Variants in HOXA13 observed in about 807,000 individuals in gnomAD.
HOXA13 encodes homeobox protein Hox-A13.
HOXA13 carries 5 observed loss-of-function variants against 25.7 expected under a neutral mutation model. The ratio of observed to expected loss-of-function variants is 0.19; its 90% CI spans 0.10 to 0.41. The LOEUF is 0.41. HOXA13 is among the 10% of genes least tolerant of loss of function. HOXA13 has a pLI of 1.00. For synonymous variants in HOXA13, 284 were observed against 241.1 expected (o/e 1.18, Z -1.65); for missense variants, 557 against 533.5 (o/e 1.04, Z -0.43).
In HOXA13 at chr7:27,195,875, A is replaced by G. The variant is rs1023190109; in HGVS notation, c.*2323T>C. 3 of 152,232 alleles carry G rather than the reference A, an allele frequency of 2.0e-5. No individual in the cohort carries two copies. Among genetic ancestry groups the G allele is most frequent in the Admixed American group, 6.5e-5 (1 of 15,288 alleles). The allele number at this position is 152,232 out of a possible 1,614,324, so 9.4% of individuals were successfully genotyped here. A position where few individuals can be genotyped will look rare whatever the true frequency, so the allele number is the denominator to read the frequency against. ...GCTGTAAAGACTCCTCAATAGCTCT[A>G]ATTACAGTGTGAGACCACCCTGGAG... On this transcript the variant is annotated 3_prime_UTR_variant, in exon 2 of 2. Transcript: ENST00000649031.
rs1784004033 is a variant in HOXA13 at position 27,196,383 on chromosome 7, C to G, written c.*1815G>C. 2 of 152,138 alleles carry G rather than the reference C, an allele frequency of 1.3e-5. No individual in the cohort carries two copies. The highest frequency in any genetic ancestry group is 6.6e-5 in the Admixed American group (1 of 15,266). 9.4% of individuals were successfully genotyped at this position (152,138 alleles called of 1,614,324 possible). On this transcript the variant is annotated 3_prime_UTR_variant, in exon 2 of 2. Transcript: ENST00000649031. ...GAGGCTTGTCAACGCGAGGTGGCGC[C>G]CTTGATCTACTAATCCAGCTAAGGC...
Position 27,197,960 on chromosome 7 carries a change from G to A in HOXA13, c.*238C>T. The A allele has an allele frequency of 3.5e-6, 2 of 566,266 alleles. No homozygotes were observed. The highest frequency in any genetic ancestry group is 6.3e-6 in the Non-Finnish European group (2 of 319,282). The allele number at this position is 566,266 out of a possible 1,614,324, so 35.1% of individuals were successfully genotyped here. On this transcript the variant is annotated 3_prime_UTR_variant, in exon 2 of 2. Coordinates refer to ENST00000649031, the MANE Select transcript of HOXA13 (RefSeq NM_000522.5). The stretch of plus-strand genomic sequence containing the variant: ...GGGGGTTGACGTTTGACATTTAACG[G>A]GCTGGGCTGATGGGGTTGGCGGAAG...
rs1784048344 is a variant in HOXA13, at chr7:27,199,098, C to T, written c.922+58G>A. On this transcript the variant is annotated intron_variant, in intron 1 of 1. Transcript: ENST00000649031. The stretch of plus-strand genomic sequence containing the variant: ...GCACCCGGGATCGCCCGGGTGCGAG[C>T]GGAGAAGAAGCTGGAGCAGAGCCGG... 3.5e-5 allele frequency: 53 copies of T among 1,532,660 alleles called. No individual in the cohort carries two copies. The South Asian group carries it at 5.6e-4, about 16-fold the overall frequency. 94.9% of individuals were successfully genotyped at this position (1,532,660 alleles called of 1,614,324 possible).
At position 27,199,940 on chromosome 7, in the gene HOXA13, T is replaced by C. The variant is rs1432873290; in HGVS notation, c.138A>G (p.Ala46=). 22 of 1,268,436 alleles carry C rather than the reference T, an allele frequency of 1.7e-5. No individual in the cohort carries two copies. The highest frequency in any genetic ancestry group is 5.5e-5 in the South Asian group (3 of 54,190). 78.6% of individuals were successfully genotyped at this position (1,268,436 alleles called of 1,614,324 possible). ...CCCCGGCCCCGGCAGCCGCCGCCGC[T>C]GCAGCCGCTGCTGCAGCCGCCGCCG... ...EGAAAAAAAA[A]AAAAAGAGGG... is the part of the protein sequence containing the mutation. The change falls in exon 1 of 2, where the codon GCA becomes GCG. Residue 46 remains alanine, a synonymous_variant. Coordinates refer to ENST00000649031, the MANE Select transcript of HOXA13 (RefSeq NM_000522.5).
rs532430729 is a variant in HOXA13 at position 27,199,477 on chromosome 7, C to T, written c.601G>A (p.Ala201Thr). The T allele has an allele frequency of 6.2e-7, 1 of 1,611,394 alleles. No homozygotes were observed. Among genetic ancestry groups the T allele is most frequent in the East Asian group, 2.2e-5 (1 of 44,812 alleles). ...TTGTCCGCGAAGGCGGCGGCGGCGG[C>T]GGCCGAGGCGGGCTGCGCGCACGAC... ...IKSCAQPASA[A>T]AAAAFADKYM... Residue 201 changes from alanine (A) to threonine (T), a missense_variant, in exon 1 of 2, where the codon GCC becomes ACC. Physicochemically the swap from Ala to Thr is moderately conservative, Grantham distance 58. Coordinates refer to ENST00000649031, the MANE Select transcript of HOXA13 (RefSeq NM_000522.5).
In HOXA13 at chr7:27,197,945, G is replaced by C. The variant is rs752050407; in HGVS notation, c.*253C>G. 1 of 537,504 alleles carries C rather than the reference G, an allele frequency of 1.9e-6. No homozygotes were observed. Among genetic ancestry groups the C allele is most frequent in the Non-Finnish European group, 3.3e-6 (1 of 301,638 alleles). 33.3% of individuals were successfully genotyped at this position (537,504 alleles called of 1,614,324 possible). On this transcript the variant is annotated 3_prime_UTR_variant, in exon 2 of 2. Transcript: ENST00000649031. The stretch of plus-strand genomic sequence containing the variant: ...GAAATTGCGTATTTTGGGGGTTGAC[G>C]TTTGACATTTAACGGGCTGGGCTGA...
In HOXA13 at chr7:27,195,131, G is replaced by A. The variant is rs920098177; in HGVS notation, c.*3067C>T. The A allele has an allele frequency of 2.6e-5, 4 of 152,180 alleles. No homozygotes were observed. Among genetic ancestry groups the A allele is most frequent in the African/African-American group, 9.7e-5 (4 of 41,440 alleles). The allele number at this position is 152,180 out of a possible 1,614,324, so 9.4% of individuals were successfully genotyped here. A position where few individuals can be genotyped will look rare whatever the true frequency, so the allele number is the denominator to read the frequency against. On this transcript the variant is annotated 3_prime_UTR_variant, in exon 2 of 2. Transcript: ENST00000649031. The stretch of plus-strand genomic sequence containing the variant: ...AAGTGGAGTGAAAATCCTCAGGGCA[G>A]CAAAATATAATTGAATTTCTCGAGA...
Position 27,199,700 on chromosome 7 carries a change from TGCAGCGGCAGCCGCGGCA to T in HOXA13, c.360_377del (p.Ala128_Ala133del), listed in dbSNP as rs35861510. Reference sequence around the variant, plus strand: ...ACGACGCGGCGGCGGCGGCGGCGGCTGCAGCGGCAGCCGCGGCAGCAGCGGCGGCAGCCGACGGGGGCG... The same window carrying T: ...ACGACGCGGCGGCGGCGGCGGCGGCTGCAGCGGCGGCAGCCGACGGGGGCG... On this transcript the variant is annotated inframe_deletion, in exon 1 of 2. Transcript: ENST00000649031. The T allele has an allele frequency of 8.4e-4, 898 of 1,071,392 alleles. No individual in the cohort carries two copies. The highest frequency in any genetic ancestry group is 4.3e-3 in the East Asian group (69 of 15,864). 66.4% of individuals were successfully genotyped at this position (1,071,392 alleles called of 1,614,324 possible).
In HOXA13 at chr7:27,195,166, A is replaced by G. The variant is rs1583446319; in HGVS notation, c.*3032T>C. On this transcript the variant is annotated 3_prime_UTR_variant, in exon 2 of 2. Coordinates refer to ENST00000649031, the MANE Select transcript of HOXA13 (RefSeq NM_000522.5). ...ATTGAATTTCTCGAGACCTTTCGAT[A>G]TGTATGTTTCAACACCAGCCTGTTT... is the stretch of plus-strand genomic sequence containing the variant. 1 of 152,230 alleles carries G rather than the reference A, an allele frequency of 6.6e-6. No homozygotes were observed. The highest frequency in any genetic ancestry group is 2.4e-5 in the African/African-American group (1 of 41,444). The allele number at this position is 152,230 out of a possible 1,614,324, so 9.4% of individuals were successfully genotyped here. A position where few individuals can be genotyped will look rare whatever the true frequency, so the allele number is the denominator to read the frequency against.
In HOXA13 at chr7:27,196,950, C is replaced by A. The variant is rs1184639078; in HGVS notation, c.*1248G>T. 1 of 176,524 alleles carries A rather than the reference C, an allele frequency of 5.7e-6. No homozygotes were observed. The highest frequency in any genetic ancestry group is 1.2e-5 in the Non-Finnish European group (1 of 83,888). The allele number at this position is 176,524 out of a possible 1,614,324, so 10.9% of individuals were successfully genotyped here. A position where few individuals can be genotyped will look rare whatever the true frequency, so the allele number is the denominator to read the frequency against. ...TACAGGTCTAAGGGTTTTTTTTTTT[C>A]ATTTTTAGTAGAAATATTTAAAAAG... On this transcript the variant is annotated 3_prime_UTR_variant, in exon 2 of 2. Coordinates refer to ENST00000649031, the MANE Select transcript of HOXA13 (RefSeq NM_000522.5).
Position 27,198,337 on chromosome 7 carries a change from G to T in HOXA13, c.1028C>A (p.Thr343Lys), listed in dbSNP as rs768400475. ...TTTGTCCTTAGTAATGAATTTATTCGTGGCGTATTCCCGTTCAAGTTCTTT... is the reference window on the plus strand; with the variant it reads ...TTTGTCCTTAGTAATGAATTTATTCTTGGCGTATTCCCGTTCAAGTTCTTT... ...QLKELEREYA[T>K]NKFITKDKRR... Residue 343 changes from threonine (T) to lysine (K), a missense_variant, in exon 2 of 2, where the codon ACG (threonine) becomes AAG (lysine). Coordinates refer to ENST00000649031, the MANE Select transcript of HOXA13 (RefSeq NM_000522.5). The T allele has an allele frequency of 6.2e-7, 1 of 1,614,132 alleles. No homozygotes were observed. Among genetic ancestry groups the T allele is most frequent in the Non-Finnish European group, 8.5e-7 (1 of 1,180,028 alleles).
At chr7:27,199,128 C>A (rs1458156930) in intron 1 of HOXA13, 28 bp downstream of exon 1, 1 of 1,597,394 alleles carries the variant, frequency 6.3e-7, no homozygotes, top group Non-Finnish European at 8.5e-7. Context: ...AGCCGGAAGA[C>A]CAGGGCTGGG....
In HOXA13 at chr7:27,200,078, A is replaced by T. The variant is rs1350598014; in HGVS notation, c.-1T>A. The T allele has an allele frequency of 1.4e-5, 21 of 1,457,908 alleles. No individual in the cohort carries two copies. The highest frequency in any genetic ancestry group is 1.8e-5 in the Non-Finnish European group (20 of 1,087,692). The allele number at this position is 1,457,908 out of a possible 1,614,324, so 90.3% of individuals were successfully genotyped here. Reference sequence around the variant, plus strand: ...GGTGGAGGAGCACGGAGGCTGTCATAGCCCGAGCCGCATGGAGAAGACCCC... The same window carrying T: ...GGTGGAGGAGCACGGAGGCTGTCATTGCCCGAGCCGCATGGAGAAGACCCC... On this transcript the variant is annotated 5_prime_UTR_variant, in exon 1 of 2. Coordinates refer to ENST00000649031, the MANE Select transcript of HOXA13 (RefSeq NM_000522.5).
In HOXA13 at chr7:27,199,607, C is replaced by G. The variant is rs1427195105; in HGVS notation, c.471G>C (p.Ser157=). 2 of 1,477,726 alleles carry G rather than the reference C, an allele frequency of 1.4e-6. No individual in the cohort carries two copies. Among genetic ancestry groups the G allele is most frequent in the Non-Finnish European group, 1.8e-6 (2 of 1,121,272 alleles). The allele number at this position is 1,477,726 out of a possible 1,614,324, so 91.5% of individuals were successfully genotyped here. Reference sequence around the variant, plus strand: ...GCCCCGACGAGCTCTGCGCCGCTGCCGAGCAGGGGCTGCATTGCTTGGCGG... The same window carrying G: ...GCCCCGACGAGCTCTGCGCCGCTGCGGAGCAGGGGCTGCATTGCTTGGCGG... ...AEAAKQCSPC[S]AAAQSSSGPA... Residue 157 remains serine, a synonymous_variant, in exon 1 of 2, where the codon TCG becomes TCC. Transcript: ENST00000649031.
In HOXA13 at chr7:27,199,682, GGCGGCGGCGGCGGCGGCTGCA is replaced by G; in HGVS notation, c.375_395del (p.Ala127_Ala133del). Reference sequence around the variant, plus strand: ...GGCCGGGACCTCCCGAGGACGACGCGGCGGCGGCGGCGGCGGCTGCAGCGGCAGCCGCGGCAGCAGCGGCGG... The same window carrying G: ...GGCCGGGACCTCCCGAGGACGACGCGGCGGCAGCCGCGGCAGCAGCGGCGG... On this transcript the variant is annotated inframe_deletion, in exon 1 of 2. Transcript: ENST00000649031. 1 of 1,105,768 alleles carries G rather than the reference GGCGGCGGCGGCGGCGGCTGCA, an allele frequency of 9.0e-7. No homozygotes were observed. The highest frequency in any genetic ancestry group is 4.8e-5 in the East Asian group (1 of 20,810). The allele number at this position is 1,105,768 out of a possible 1,614,324, so 68.5% of individuals were successfully genotyped here.
rs1784013900 is a variant in HOXA13, at chr7:27,197,165, C to T, written c.*1033G>A. 2 of 206,228 alleles carry T rather than the reference C, an allele frequency of 9.7e-6. No homozygotes were observed. The highest frequency in any genetic ancestry group is 1.9e-4 in the South Asian group (1 of 5,318). 12.8% of individuals were successfully genotyped at this position (206,228 alleles called of 1,614,324 possible). A position where few individuals can be genotyped will look rare whatever the true frequency, so the allele number is the denominator to read the frequency against. On this transcript the variant is annotated 3_prime_UTR_variant, in exon 2 of 2. Transcript: ENST00000649031. ...AATAAACATGGAAAAATACTAATCC[C>T]TTAATAGATCAAAATATAGAATATA...
At position 27,199,607 on chromosome 7, in the gene HOXA13, C is replaced by T. The variant is rs1427195105; in HGVS notation, c.471G>A (p.Ser157=). 15 of 1,477,726 alleles carry T rather than the reference C, an allele frequency of 1.0e-5. No individual in the cohort carries two copies. Among genetic ancestry groups the T allele is most frequent in the Non-Finnish European group, 1.3e-5 (15 of 1,121,272 alleles). The allele number at this position is 1,477,726 out of a possible 1,614,324, so 91.5% of individuals were successfully genotyped here. A position where few individuals can be genotyped will look rare whatever the true frequency, so the allele number is the denominator to read the frequency against. Residue 157 remains serine, a synonymous_variant, in exon 1 of 2, where the codon TCG becomes TCA. Coordinates refer to ENST00000649031, the MANE Select transcript of HOXA13 (RefSeq NM_000522.5). ...GCCCCGACGAGCTCTGCGCCGCTGC[C>T]GAGCAGGGGCTGCATTGCTTGGCGG... ...AEAAKQCSPC[S]AAAQSSSGPA...
In HOXA13 at chr7:27,195,450, G is replaced by T. The variant is rs1783994067; in HGVS notation, c.*2748C>A. 2 of 152,106 alleles carry T rather than the reference G, an allele frequency of 1.3e-5. No homozygotes were observed. Among genetic ancestry groups the T allele is most frequent in the Non-Finnish European group, 2.9e-5 (2 of 68,030 alleles). The allele number at this position is 152,106 out of a possible 1,614,324, so 9.4% of individuals were successfully genotyped here. A position where few individuals can be genotyped will look rare whatever the true frequency, so the allele number is the denominator to read the frequency against. ...ATACATATGCGCATAGCATAGATTTGACAAAAACACATTATCCTATGTGTA... is the reference window on the plus strand; with the variant it reads ...ATACATATGCGCATAGCATAGATTTTACAAAAACACATTATCCTATGTGTA... On this transcript the variant is annotated 3_prime_UTR_variant, in exon 2 of 2. Transcript: ENST00000649031.
In HOXA13 at chr7:27,199,328, C is replaced by G; in HGVS notation, c.750G>C (p.Leu250=). Residue 250 remains leucine, a synonymous_variant, in exon 1 of 2, where the codon CTG becomes CTC. Coordinates refer to ENST00000649031, the MANE Select transcript of HOXA13 (RefSeq NM_000522.5). ...CGAGGCCCGGCACCACTGGCATATCCAGGTAGCCAGGCATGGGCTGATGGT... is the reference window on the plus strand; with the variant it reads ...CGAGGCCCGGCACCACTGGCATATCGAGGTAGCCAGGCATGGGCTGATGGT... ...YHHHQPMPGY[L]DMPVVPGLGG... 6.2e-7 allele frequency: 1 copy of G among 1,614,102 alleles called. No homozygotes were observed. The highest frequency in any genetic ancestry group is 8.5e-7 in the Non-Finnish European group (1 of 1,179,996).
Sources: gnomAD v4.1 joint callset for allele counts on GRCh38, gnomAD v4.1.1 for gene constraint, MANE v1.5 for transcripts, NCBI Gene and HGNC (gene_info 2026-07-23, HGNC 2026-07-21) for gene names.